ATP8B4: variants seen among roughly 807,000 people sequenced by gnomAD.
ATP8B4 encodes probable phospholipid-transporting ATPase IM.
A neutral mutation model predicts 145.6 loss-of-function variants in ATP8B4; 133 were observed. That is an observed-to-expected ratio of 0.91 (90% CI 0.79 to 1.05). The LOEUF (loss-of-function observed/expected upper bound fraction) is 1.05, where lower values mean the gene tolerates loss of function less well. Ranked by LOEUF, ATP8B4 falls within the 50% of genes least tolerant of loss-of-function variation. ATP8B4 has a pLI of 0.00. For synonymous variants in ATP8B4, 507 were observed against 492.9 expected (o/e 1.03, Z -0.38); for missense variants, 1,458 against 1,425.2 (o/e 1.02, Z -0.37).
chr15:50,029,053 T>C (rs11633071), intron 6 of ATP8B4, among the ~76,000 whole-genome samples: 77,874 of 151,270 alleles, frequency 0.51, 20,934 homozygotes, highest in East Asian at 0.93. Context: ...GCCAACATGG[T>C]AAAACCCCGT....
rs146674060 is a variant in ATP8B4 at position 49,996,530 on chromosome 15, G to A, written c.589+147C>T. ...GGCAAACATTTTTACTCTTTTTAGC[G>A]TGCGAAGAAATTACAGGCTTTGATG... On this transcript the variant is annotated intron_variant, in intron 9 of 27. Transcript: ENST00000284509. 3.4e-3 allele frequency: 2,048 copies of A among 596,122 alleles called. 28 individuals are homozygous for A. Among genetic ancestry groups the A allele is most frequent in the South Asian group, 0.023 (862 of 37,988 alleles). 36.9% of individuals were successfully genotyped at this position (596,122 alleles called of 1,614,324 possible). A position where few individuals can be genotyped will look rare whatever the true frequency, so the allele number is the denominator to read the frequency against.
At chr15:49,920,470 A>G (rs1566992094) in intron 17 of ATP8B4, 60 bp from the exon 18 acceptor site, 2 of 1,495,456 alleles carry the variant, frequency 1.3e-6, no homozygotes, top group South Asian at 1.3e-5. Context: ...AGAAATAACA[A>G]CAACAAAAAT....
At chr15:50,072,988 A>G (rs1398158930) in intron 3 of ATP8B4, among the ~76,000 whole-genome samples, 1 of 19,126 alleles carries the variant, frequency 5.2e-5, no homozygotes, top group Admixed American at 4.9e-4. Context: ...CTCTATATAT[A>G]TATATATATA....
In ATP8B4 at chr15:49,934,092, C is replaced by T. The variant is rs755705346; in HGVS notation, c.1378G>A (p.Gly460Ser). Residue 460 changes from glycine (G) to serine (S), a missense_variant, in exon 15 of 28, where the codon GGT (glycine) becomes AGT (serine). Physicochemically the swap from Gly to Ser is moderately conservative, Grantham distance 56. Transcript: ENST00000284509. ...AGGAATTCATGAACTTTGGGATCAC[C>T]CATTTTAATGGATTCCATCAGATGG... ...DHHLMESIKM[G>S]DPKVHEFLRL... 1.2e-6 allele frequency: 2 copies of T among 1,612,656 alleles called. No homozygotes were observed. Among genetic ancestry groups the T allele is most frequent in the South Asian group, 1.1e-5 (1 of 90,990 alleles).
chr15:50,145,157 C>A (rs531526798), intron 1 of ATP8B4, among the ~76,000 whole-genome samples: 1 of 152,220 alleles, frequency 6.6e-6, no homozygotes, highest in African/African-American at 2.4e-5. Context: ...CTACTTTTTA[C>A]TTGTTTTAAA....
At position 49,931,309 on chromosome 15, in the gene ATP8B4, T is replaced by C; in HGVS notation, c.1454-2A>G. The stretch of plus-strand genomic sequence containing the variant: ...ACTGAACTTGGTAAATCAGCTCTCC[T>C]AAAAGGTAAAGAAACAAGTGTATCA... On this transcript the variant is annotated splice_acceptor_variant, in intron 15 of 27. Transcript: ENST00000284509. LOFTEE classifies it high-confidence loss of function. The C allele has an allele frequency of 1.2e-6, 2 of 1,610,802 alleles. No individual in the cohort carries two copies. The highest frequency in any genetic ancestry group is 1.7e-6 in the Non-Finnish European group (2 of 1,178,156).
chr15:50,164,630 C>T (rs1270927600), intron 1 of ATP8B4, among the ~76,000 whole-genome samples: 2 of 152,360 alleles, frequency 1.3e-5, no homozygotes, highest in East Asian at 1.9e-4. Context: ...GTCATGTGTA[C>T]CCAAAGTCCA....
At chr15:49,974,378 C>T (rs1218821633) in intron 12 of ATP8B4, among the ~76,000 whole-genome samples, 1 of 148,432 alleles carries the variant, frequency 6.7e-6, no homozygotes. Context: ...GTGTGAGCCA[C>T]CGCACCCAGC....
At chr15:50,048,918 C>A (rs1388524885) in intron 3 of ATP8B4, among the ~76,000 whole-genome samples, 3 of 152,096 alleles carry the variant, frequency 2.0e-5, no homozygotes, top group African/African-American at 7.2e-5. Context: ...CACACATGCA[C>A]ATTAACCAAC....
chr15:49,872,814 A>G (rs566783277), intron 25 of ATP8B4, among the ~76,000 whole-genome samples: 89 of 152,110 alleles, frequency 5.9e-4, no homozygotes, highest in African/African-American at 1.8e-3. Context: ...TGGATCCTAG[A>G]AGAGAAAAGG....
At chr15:50,123,039 C>T (rs913062836), upstream of ATP8B4, among the ~76,000 whole-genome samples, 3 of 152,120 alleles carry the variant, frequency 2.0e-5, no homozygotes, top group African/African-American at 7.2e-5. Flanking sequence ...TAGCACACAA[C>T]CCAGCACCTG....
intron 25 of ATP8B4, among the ~76,000 whole-genome samples, chr15:49,874,687 T>A (rs1343950096): frequency 6.6e-6 from 1 of 152,146 alleles, no homozygotes; most frequent in Non-Finnish European, 1.5e-5. Flanking sequence ...TAATCAAGGG[T>A]TAGAAATTTC....
upstream of ATP8B4, among the ~76,000 whole-genome samples, chr15:50,123,183 G>T (rs1378719354): frequency 2.6e-5 from 4 of 152,114 alleles, no homozygotes; most frequent in Non-Finnish European, 5.9e-5. Context: ...ACAGTGAGAA[G>T]ATTATGACAG....
intron 5 of ATP8B4, 134 bp from the exon 6 acceptor site, chr15:50,038,963 T>C: frequency 1.4e-6 from 1 of 707,376 alleles, no homozygotes; most frequent in South Asian, 1.8e-5. Flanking sequence ...TGTTTGAGCT[T>C]CCTGTGAACC....
At chr15:50,092,484 T>G (rs2055673320) in intron 2 of ATP8B4, among the ~76,000 whole-genome samples, 1 of 151,956 alleles carries the variant, frequency 6.6e-6, no homozygotes, top group Non-Finnish European at 1.5e-5. Flanking sequence ...AACATGTACA[T>G]TAAAAAGATA....
chr15:49,918,799 C>A (rs190575686), intron 19 of ATP8B4, 40 bp downstream of exon 19: 5 of 1,444,114 alleles, frequency 3.5e-6, no homozygotes, highest in Non-Finnish European at 3.9e-6. Context: ...AAGTCATCTC[C>A]CCATTTTCAA....
chr15:49,913,357 T>C (rs2039429843), intron 20 of ATP8B4, among the ~76,000 whole-genome samples: 1 of 152,058 alleles, frequency 6.6e-6, no homozygotes, highest in South Asian at 2.1e-4. Context: ...ACAAACTAGG[T>C]GTAGATGGAA....
chr15:50,086,576 T>C (rs2055106095), intron 2 of ATP8B4, among the ~76,000 whole-genome samples: 1 of 110,254 alleles, frequency 9.1e-6, no homozygotes, highest in Non-Finnish European at 1.6e-5. Flanking sequence ...ATTTATTATA[T>C]ATAATAAAAT....
At chr15:49,888,109 T>C (rs1033844167) in intron 23 of ATP8B4, among the ~76,000 whole-genome samples, 1 of 152,196 alleles carries the variant, frequency 6.6e-6, no homozygotes, top group Non-Finnish European at 1.5e-5. Flanking sequence ...GTGCTCAGCC[T>C]CAGCACATCT....
Sources: allele counts gnomAD v4.1 joint callset (sites outside exome capture counted in the v4.1 genomes callset), GRCh38; gene constraint gnomAD v4.1.1; transcripts MANE v1.5; gene names NCBI Gene and HGNC (gene_info 2026-07-23, HGNC 2026-07-21).